The following TMC2 variants were observed in gnomAD, a reference collection of about 807,000 sequenced individuals.
TMC2 encodes the protein transmembrane channel-like protein 2.
A neutral mutation model predicts 105.9 loss-of-function variants in TMC2; 102 were observed. The observed-to-expected ratio is 0.96, with a 90% CI of 0.82 to 1.14. The LOEUF is 1.14. Among genes scored for constraint, TMC2 ranks in the 50% most tolerant of loss-of-function variants. TMC2 has a pLI of 0.00. For missense variants in TMC2, 1,093 were observed against 1,134.3 expected, an observed-to-expected ratio of 0.96 and a Z score of 0.52; for synonymous variants, 402 against 422.8, an observed-to-expected ratio of 0.95 and a Z score of 0.60.
intron 2 of TMC2, among the ~76,000 whole-genome samples, chr20:2,541,373 G>T (rs887097438): frequency 6.6e-6 from 1 of 152,202 alleles, no homozygotes; most frequent in African/African-American, 2.4e-5. Context: ...GGGCATGGTG[G>T]CTTACGCCTG....
intron 16 of TMC2, among the ~76,000 whole-genome samples, chr20:2,618,749 G>C (rs1320294682): frequency 1.3e-5 from 2 of 152,210 alleles, no homozygotes; most frequent in Non-Finnish European, 2.9e-5. Flanking sequence ...TCCGTAAAGA[G>C]AGGTTCTGTG....
Position 2,594,194 on chromosome 20 carries a change from G to A in TMC2, c.934-631G>A, listed in dbSNP as rs547142358. ...CCCTTCAGAAAGTTATTTGGAACAG[G>A]GGTTCCCAACTATACTGTTACTAAG... On this transcript the variant is annotated intron_variant, in intron 8 of 19. Transcript: ENST00000358864. Among the ~76,000 whole-genome samples the A allele has an allele frequency of 1.6e-4, 24 of 150,374 alleles. 1 individual carries two copies. The highest frequency in any genetic ancestry group is 5.3e-4 in the African/African-American group (22 of 41,122).
intron 2 of TMC2, among the ~76,000 whole-genome samples, chr20:2,550,978 T>G (rs2085953288): frequency 6.6e-6 from 1 of 152,210 alleles, no homozygotes; most frequent in Non-Finnish European, 1.5e-5. Flanking sequence ...GACATAAATT[T>G]TCAACTCATT....
At chr20:2,618,698 T>C (rs2086502809) in intron 16 of TMC2, among the ~76,000 whole-genome samples, 1 of 152,214 alleles carries the variant, frequency 6.6e-6, no homozygotes, top group East Asian at 1.9e-4. Flanking sequence ...CTGTTCTCTT[T>C]CCAAATGCCT....
intron 2 of TMC2, among the ~76,000 whole-genome samples, chr20:2,548,499 G>A (rs904231562): frequency 6.6e-6 from 1 of 151,994 alleles, no homozygotes; most frequent in Non-Finnish European, 1.5e-5. Flanking sequence ...TTAGCTGGGT[G>A]TGGTGGAGCA....
rs1408386843 is a variant in TMC2, at chr20:2,537,435, C to A, written c.82+119C>A. On this transcript the variant is annotated intron_variant, in intron 2 of 19. Transcript: ENST00000358864. Reference sequence around the variant, plus strand: ...TCATCTCCTTCCCTCTCATTCAACACCCTGCATGGAGCCTTCCTGGGAGGC... The same window carrying A: ...TCATCTCCTTCCCTCTCATTCAACAACCTGCATGGAGCCTTCCTGGGAGGC... 98 of 864,750 alleles carry A rather than the reference C, an allele frequency of 1.1e-4. 1 individual carries two copies. Among genetic ancestry groups the A allele is most frequent in the Non-Finnish European group, 2.3e-5 (12 of 529,472 alleles). The allele number at this position is 864,750 out of a possible 1,614,324, so 53.6% of individuals were successfully genotyped here. A position where few individuals can be genotyped will look rare whatever the true frequency, so the allele number is the denominator to read the frequency against.
At chr20:2,627,886 G>C (rs2086575152) in intron 17 of TMC2, among the ~76,000 whole-genome samples, 1 of 152,156 alleles carries the variant, frequency 6.6e-6, no homozygotes, top group Admixed American at 6.5e-5. Context: ...TCAGAAAGAA[G>C]GCCGAGCATG....
intron 10 of TMC2, 29 bp downstream of exon 10, chr20:2,597,327 C>T (rs754580947): frequency 3.1e-5 from 50 of 1,607,142 alleles, no homozygotes; most frequent in African/African-American, 5.3e-5. Flanking sequence ...TTCCCACTTC[C>T]GGAGAACTCT....
chr20:2,623,740 T>C (rs1175079674), intron 16 of TMC2, among the ~76,000 whole-genome samples: 1 of 152,194 alleles, frequency 6.6e-6, no homozygotes, highest in Non-Finnish European at 1.5e-5. Flanking sequence ...TTCTTAGGTA[T>C]TTGAAGAAAA....
At position 2,641,459 on chromosome 20, in the gene TMC2, C is replaced by A; in HGVS notation, c.*108C>A. 1 of 670,574 alleles carries A rather than the reference C, an allele frequency of 1.5e-6. No individual in the cohort carries two copies. The allele number at this position is 670,574 out of a possible 1,614,324, so 41.5% of individuals were successfully genotyped here. ...CCCTCTTTCCTCTCACATACATGCT[C>A]TGTCTCCTCTCTTGGAATGCATGAA... On this transcript the variant is annotated 3_prime_UTR_variant, in exon 20 of 20. Coordinates refer to ENST00000358864, the MANE Select transcript of TMC2 (RefSeq NM_080751.3).
Position 2,613,233 on chromosome 20 carries a change from T to G in TMC2, c.1783T>G (p.Tyr595Asp). 6.2e-7 allele frequency: 1 copy of G among 1,614,058 alleles called. No homozygotes were observed. Among genetic ancestry groups the G allele is most frequent in the South Asian group, 1.1e-5 (1 of 91,074 alleles). Reference protein sequence around the residue: ...RLTVSDMLVTYITILLGDFLR... With the variant: ...RLTVSDMLVTDITILLGDFLR... ...GACGGTGTCTGACATGCTGGTAACG[T>G]ACATCACCATCCTGCTGGGGGACTT... Residue 595 changes from tyrosine to aspartate, a missense_variant, in exon 14 of 20, where the codon TAC (tyrosine) becomes GAC (aspartate). Transcript: ENST00000358864.
intron 4 of TMC2, 140 bp downstream of exon 4, chr20:2,562,150 C>G (rs1872446661): frequency 9.1e-7 from 1 of 1,095,068 alleles, no homozygotes; most frequent in South Asian, 1.8e-5. Context: ...CAGGGAGCCC[C>G]ATGAGAGCCA....
chr20:2,551,165 A>G (rs768248257), intron 2 of TMC2, among the ~76,000 whole-genome samples: 1 of 152,216 alleles, frequency 6.6e-6, no homozygotes, highest in Non-Finnish European at 1.5e-5. Context: ...GCCAATAAGC[A>G]TGTAATAGTA....
At chr20:2,603,971 C>A (rs1452140555) in intron 11 of TMC2, among the ~76,000 whole-genome samples, 2 of 152,216 alleles carry the variant, frequency 1.3e-5, no homozygotes, top group African/African-American at 4.8e-5. Flanking sequence ...GGCCTTCATA[C>A]CCCATCAGTC....
At chr20:2,536,823 G>C (rs1256122964) in intron 1 of TMC2, among the ~76,000 whole-genome samples, 168 bp downstream of exon 1, 1 of 152,222 alleles carries the variant, frequency 6.6e-6, no homozygotes, top group East Asian at 1.9e-4. Context: ...CAACCTCTCT[G>C]ATCCTCACGC....
chr20:2,579,524 C>T (rs1281039695), intron 6 of TMC2, among the ~76,000 whole-genome samples: 2 of 151,664 alleles, frequency 1.3e-5, no homozygotes, highest in African/African-American at 4.8e-5. Context: ...TAGGTTCAAG[C>T]GATTCTTCTG....
chr20:2,560,822 G>C (rs1386975185), intron 3 of TMC2, among the ~76,000 whole-genome samples: 1 of 136,874 alleles, frequency 7.3e-6, no homozygotes, highest in Non-Finnish European at 1.5e-5. Flanking sequence ...GGGCCACAGA[G>C]CAAGACTCCA....
rs540367672 is a variant in TMC2 at position 2,616,436 on chromosome 20, G to A, written c.1940+232G>A. Among the ~76,000 whole-genome samples, 18 of 151,536 alleles carry A rather than the reference G, an allele frequency of 1.2e-4. No individual in the cohort carries two copies. The highest frequency in any genetic ancestry group is 2.5e-4 in the Non-Finnish European group (17 of 68,002). ...GAGAAAGGGAGAGGGGTTGGTGGAG[G>A]AGAAAAGGAAAAGGAAGGAAGGCAG... is the stretch of plus-strand genomic sequence containing the variant. On this transcript the variant is annotated intron_variant, in intron 15 of 19. Coordinates refer to ENST00000358864, the MANE Select transcript of TMC2 (RefSeq NM_080751.3). This position sits in a 1 kb window ranked among gnomAD's most constrained non-coding sequence, Gnocchi z 4.8.
intron 19 of TMC2, among the ~76,000 whole-genome samples, 186 bp from the exon 20 acceptor site, chr20:2,640,948 C>T (rs1440969834): frequency 6.6e-6 from 1 of 152,116 alleles, no homozygotes; most frequent in Non-Finnish European, 1.5e-5. Flanking sequence ...CCATACTCCT[C>T]CAACAGATGT....
Sources: gnomAD v4.1 joint callset for allele counts (sites outside exome capture counted in the v4.1 genomes callset) on GRCh38, gnomAD v4.1.1 for gene constraint, Gnocchi (gnomAD v3.1) non-coding constraint, MANE v1.5 for transcripts, NCBI Gene and HGNC (gene_info 2026-07-23, HGNC 2026-07-21) for gene names.